RGS7: variants seen among roughly 807,000 people sequenced by gnomAD.
The protein encoded by RGS7 is regulator of G protein signaling 7.
Under a neutral mutation model 81.1 loss-of-function variants are expected in RGS7, and 27 were observed. The ratio of observed to expected loss-of-function variants is 0.33; its 90% CI spans 0.25 to 0.46. The LOEUF is 0.46. Ranked by LOEUF, RGS7 falls within the 20% of genes least tolerant of loss-of-function variation. The probability of loss-of-function intolerance (pLI) is 1.00; values close to 1 mark genes in which losing one functional copy is unlikely to be tolerated. For missense variants in RGS7, 396 were observed against 607.4 expected (o/e 0.65, Z 3.66); for synonymous variants, 208 against 207.7 (o/e 1.00, Z -0.01).
intron 3 of RGS7, among the ~76,000 whole-genome samples, chr1:241,047,827 C>A (rs753012120): frequency 6.6e-6 from 1 of 150,586 alleles, no homozygotes; most frequent in Non-Finnish European, 1.5e-5. Flanking sequence ...GCAACCTCCG[C>A]CTCCCAGGTT....
At chr1:240,857,438 T>C (rs1462712261) in intron 9 of RGS7, among the ~76,000 whole-genome samples, 2 of 152,314 alleles carry the variant, frequency 1.3e-5, no homozygotes, top group Middle Eastern at 3.4e-3. Flanking sequence ...TGGTGCTACA[T>C]ACACTGTATA....
chr1:241,256,248 T>C (rs1405292682), intron 2 of RGS7, among the ~76,000 whole-genome samples: 1 of 152,240 alleles, frequency 6.6e-6, no homozygotes, highest in Admixed American at 6.5e-5. Flanking sequence ...ATTATACATT[T>C]TTTAAAAGGC....
At chr1:241,336,133 C>T (rs1433575274) in intron 2 of RGS7, among the ~76,000 whole-genome samples, 3 of 151,788 alleles carry the variant, frequency 2.0e-5, no homozygotes, top group African/African-American at 7.3e-5. Context: ...TTGGTATAAC[C>T]AAAATTATCT....
At chr1:240,849,802 T>C (rs114621179) in intron 9 of RGS7, among the ~76,000 whole-genome samples, 4 of 152,222 alleles carry the variant, frequency 2.6e-5, no homozygotes, top group Non-Finnish European at 4.4e-5. Context: ...TGCCACAGCC[T>C]GTAGAACGAT....
intron 2 of RGS7, among the ~76,000 whole-genome samples, chr1:241,153,376 G>T (rs1490070492): frequency 6.6e-6 from 1 of 151,926 alleles, no homozygotes; most frequent in African/African-American, 2.4e-5. Flanking sequence ...TTTAACATGA[G>T]AATCATATTA....
intron 2 of RGS7, among the ~76,000 whole-genome samples, chr1:241,106,908 T>TA (rs1558727695): frequency 3.3e-5 from 5 of 151,374 alleles, no homozygotes; most frequent in Admixed American, 2.0e-4. Flanking sequence ...TTTTTTTTTT[T>TA]AAATAAATCA....
intron 2 of RGS7, among the ~76,000 whole-genome samples, chr1:241,120,105 T>C (rs536923343): frequency 6.6e-6 from 1 of 152,202 alleles, no homozygotes; most frequent in African/African-American, 2.4e-5. Context: ...CTTGGCATAT[T>C]ATGAGGCCCT....
At chr1:241,009,319 C>A (rs1429158604) in intron 3 of RGS7, among the ~76,000 whole-genome samples, 1 of 152,148 alleles carries the variant, frequency 6.6e-6, no homozygotes, top group Non-Finnish European at 1.5e-5. Context: ...ATAAGCAAGA[C>A]CTTAACTTTT....
At chr1:241,183,961 G>T (rs146764766) in intron 2 of RGS7, among the ~76,000 whole-genome samples, 2 of 152,190 alleles carry the variant, frequency 1.3e-5, no homozygotes, top group Non-Finnish European at 2.9e-5. Context: ...GCAACACCCT[G>T]TTGGGCAGAT....
intron 2 of RGS7, among the ~76,000 whole-genome samples, chr1:241,128,231 T>G (rs553622071): frequency 2.5e-4 from 38 of 149,210 alleles, no homozygotes; most frequent in African/African-American, 8.7e-4. Context: ...GAGCCGAGAT[T>G]GCGCCACTGC....
chr1:241,176,039 T>G (rs2071117118), intron 2 of RGS7, among the ~76,000 whole-genome samples: 3 of 152,206 alleles, frequency 2.0e-5, no homozygotes, highest in Non-Finnish European at 2.9e-5. Flanking sequence ...AAATAGGACC[T>G]CGGACTTACC....
At position 241,252,919 on chromosome 1, in the gene RGS7, G is replaced by A. The variant is rs141991964; in HGVS notation, c.78+102780C>T. On this transcript the variant is annotated intron_variant, in intron 2 of 18. Transcript: ENST00000440928. Reference sequence around the variant, plus strand: ...CTCGGACTTGCTTCTAAGATTTGCTGTCTTGCTGAGAAGTTAGCAGTACTC... The same window carrying A: ...CTCGGACTTGCTTCTAAGATTTGCTATCTTGCTGAGAAGTTAGCAGTACTC... 3.0e-3 allele frequency among the ~76,000 whole-genome samples: 453 copies of A among 152,284 alleles called. 7 individuals are homozygous for A. Among genetic ancestry groups the A allele is most frequent in the Admixed American group, 0.021 (320 of 15,302 alleles).
At chr1:240,836,044 A>G (rs1553318457) in intron 9 of RGS7, among the ~76,000 whole-genome samples, 2 of 152,256 alleles carry the variant, frequency 1.3e-5, no homozygotes, top group East Asian at 1.9e-4. Flanking sequence ...TAGAATGTAC[A>G]ACATCAACAG....
At chr1:241,323,398 G>C (rs2081318284) in intron 2 of RGS7, among the ~76,000 whole-genome samples, 2 of 152,202 alleles carry the variant, frequency 1.3e-5, no homozygotes, top group South Asian at 4.1e-4. Context: ...AAGAGGAGGA[G>C]GCTTACAACT....
At chr1:241,071,874 C>CAAAACAAAAAAAAAA (rs2062474880) in intron 3 of RGS7, among the ~76,000 whole-genome samples, 1 of 56,856 alleles carries the variant, frequency 1.8e-5, no homozygotes. Context: ...GAGACCCTGT[C>CAAAACAAAAAAAAAA]AAAAAAAAAA....
In RGS7 at chr1:241,232,110, C is replaced by T. The variant is rs551255653; in HGVS notation, c.78+123589G>A. Among the ~76,000 whole-genome samples the T allele has an allele frequency of 7.9e-5, 12 of 152,228 alleles. No individual in the cohort carries two copies. The South Asian group carries it at 2.3e-3, about 29-fold the overall frequency. ...TTACCCCCTTTGAATTGCCTTTACA[C>T]CTATGTTGAAAACCAACTGACCATA... On this transcript the variant is annotated intron_variant, in intron 2 of 18. Coordinates refer to ENST00000440928, the MANE Select transcript of RGS7 (RefSeq NM_001364886.1).
chr1:241,248,922 T>C (rs1032073626), intron 2 of RGS7, among the ~76,000 whole-genome samples: 4 of 152,192 alleles, frequency 2.6e-5, no homozygotes, highest in East Asian at 1.9e-4. Flanking sequence ...CAGATTATTT[T>C]TTCCTCTTCG....
chr1:240,774,978 C>A (rs1466516411), downstream of RGS7, among the ~76,000 whole-genome samples: 1 of 152,104 alleles, frequency 6.6e-6, no homozygotes, highest in Non-Finnish European at 1.5e-5. Flanking sequence ...TATATGCAAA[C>A]ACTACACCAT....
intron 18 of RGS7, among the ~76,000 whole-genome samples, chr1:240,783,545 C>A (rs1461420979): frequency 6.6e-6 from 1 of 151,724 alleles, no homozygotes; most frequent in African/African-American, 2.4e-5. Flanking sequence ...ATTGTTTGAA[C>A]CCAGGAGACA....
Sources: gnomAD v4.1 joint callset for allele counts (sites outside exome capture counted in the v4.1 genomes callset) on GRCh38, gnomAD v4.1.1 for gene constraint, MANE v1.5 for transcripts, NCBI Gene and HGNC (gene_info 2026-07-23, HGNC 2026-07-21) for gene names.